Variants in SERPINB1 observed in about 807,000 individuals in gnomAD.
SERPINB1 encodes leukocyte elastase inhibitor.
In SERPINB1, 23 loss-of-function variants were observed where a neutral mutation model predicts 25.9. The ratio of observed to expected loss-of-function variants is 0.89; its 90% CI spans 0.64 to 1.26. SERPINB1 has a LOEUF of 1.26. Among genes scored for constraint, SERPINB1 ranks in the 50% most tolerant of loss-of-function variants. The pLI is 0.00. For synonymous variants in SERPINB1, 178 were observed against 178.7 expected, an observed-to-expected ratio of 1.00 and a Z score of 0.03; for missense variants, 399 against 463.6, an observed-to-expected ratio of 0.86 and a Z score of 1.28.
At chr6:2,835,703 G>A (rs553894730) in intron 6 of SERPINB1, among the ~76,000 whole-genome samples, 153 bp downstream of exon 6, 5 of 152,254 alleles carry the variant, frequency 3.3e-5, no homozygotes, top group Admixed American at 2.0e-4. Context: ...TTAACTCTGG[G>A]CTTTAGTGTA....
Position 2,837,915 on chromosome 6 carries a change from T to G in SERPINB1, c.391A>C (p.Thr131Pro). ...TGTCCTTTGACCCACTGGTTTATGG[T>G]CTTCCTTGCATCTTCAGAGGCATGC... ...FQHASEDARK[T>P]INQWVKGQTE... Residue 131 changes from threonine (T) to proline (P), a missense_variant, in exon 4 of 7, where the codon ACC becomes CCC. Physicochemically the swap from Thr to Pro is conservative, Grantham distance 38. Coordinates refer to ENST00000380739, the MANE Select transcript of SERPINB1 (RefSeq NM_030666.4). This position sits in a 1 kb window ranked among gnomAD's most constrained non-coding sequence, Gnocchi z 4.3. 6.2e-7 allele frequency: 1 copy of G among 1,614,040 alleles called. No individual in the cohort carries two copies. The highest frequency in any genetic ancestry group is 8.5e-7 in the Non-Finnish European group (1 of 1,179,952).
chr6:2,839,349 T>C, intron 2 of SERPINB1: 1 of 984,722 alleles, frequency 1.0e-6, no homozygotes, highest in Non-Finnish European at 1.2e-6. Context: ...ATATGGAATG[T>C]TTGCACTGTG....
At chr6:2,839,805 C>T (rs1359679086) in intron 2 of SERPINB1, among the ~76,000 whole-genome samples, 1 of 148,112 alleles carries the variant, frequency 6.8e-6, no homozygotes, top group Non-Finnish European at 1.5e-5. Context: ...CCTGTCACAT[C>T]GCCAAGGGCT....
At position 2,839,733 on chromosome 6, in the gene SERPINB1, C is replaced by A. The variant is rs76193684; in HGVS notation, c.168+686G>T. On this transcript the variant is annotated intron_variant, in intron 2 of 6. Transcript: ENST00000380739. The stretch of plus-strand genomic sequence containing the variant: ...TTCTCTTCTCAGAATTAAAGAGTAC[C>A]AAGCACAGAAGTCCTCTCCATGTCC... Among the ~76,000 whole-genome samples, 303 of 152,224 alleles carry A rather than the reference C, an allele frequency of 2.0e-3. 1 individual carries two copies. The highest frequency in any genetic ancestry group is 6.9e-3 in the African/African-American group (287 of 41,538).
chr6:2,835,708 A>G (rs1581164223), intron 6 of SERPINB1, 148 bp downstream of exon 6: 1 of 825,730 alleles, frequency 1.2e-6, no homozygotes, highest in Non-Finnish European at 1.8e-6. Flanking sequence ...TCTGGGCTTT[A>G]GTGTAGTAAG....
rs1279749550 is a variant in SERPINB1, at chr6:2,837,399, C to T, written c.424+483G>A. Among the ~76,000 whole-genome samples the T allele has an allele frequency of 6.6e-6, 1 of 152,082 alleles. No homozygotes were observed. Among genetic ancestry groups the T allele is most frequent in the Admixed American group, 6.5e-5 (1 of 15,276 alleles). On this transcript the variant is annotated intron_variant, in intron 4 of 6. Coordinates refer to ENST00000380739, the MANE Select transcript of SERPINB1 (RefSeq NM_030666.4). This position sits in a 1 kb window ranked among gnomAD's most constrained non-coding sequence, Gnocchi z 4.3. ...GTTCGAGAGATTCTCCTGCCTCAGCCTCCAGAGTAGCTGGGATTACAGGTG... is the reference window on the plus strand; with the variant it reads ...GTTCGAGAGATTCTCCTGCCTCAGCTTCCAGAGTAGCTGGGATTACAGGTG...
chr6:2,838,076 G>C, intron 3 of SERPINB1, 77 bp from the exon 4 acceptor site: 3 of 1,008,064 alleles, frequency 3.0e-6, no homozygotes, highest in Non-Finnish European at 4.3e-6. Flanking sequence ...ATCCCAAAAA[G>C]CAACAGAAAT....
rs1766361764 is a variant in SERPINB1, at chr6:2,832,609, C to A, written c.*999G>T. On this transcript the variant is annotated 3_prime_UTR_variant, in exon 7 of 7. Transcript: ENST00000380739. The stretch of plus-strand genomic sequence containing the variant: ...ATCACCTGAGGTCAGGAGTTCGGGA[C>A]CAGCCTGGCCAACATGGAAAAACCC... 6.6e-6 allele frequency: 1 copy of A among 152,098 alleles called. No individual in the cohort carries two copies. Among genetic ancestry groups the A allele is most frequent in the African/African-American group, 2.4e-5 (1 of 41,344 alleles). 9.4% of individuals were successfully genotyped at this position (152,098 alleles called of 1,614,324 possible).
intron 2 of SERPINB1, among the ~76,000 whole-genome samples, chr6:2,839,895 G>A (rs1001436206): frequency 3.3e-5 from 5 of 152,124 alleles, no homozygotes; most frequent in Admixed American, 2.0e-4. Context: ...TGAGCCATGC[G>A]CAGCACCCTG....
rs1766474349 is a variant in SERPINB1 at position 2,835,871 on chromosome 6, G to A, written c.720C>T (p.Ser240=). The A allele has an allele frequency of 1.9e-6, 3 of 1,613,750 alleles. No individual in the cohort carries two copies. Among genetic ancestry groups the A allele is most frequent in the Admixed American group, 3.3e-5 (2 of 59,950 alleles). ...ILLPDDIEDE[S]TGLKKIEEQL... is the part of the protein sequence containing the mutation. Reference sequence around the variant, plus strand: ...GGAGCCATACCTTCTTCAGGCCCGTGGACTCGTCCTCAATGTCATCCGGCA... The same window carrying A: ...GGAGCCATACCTTCTTCAGGCCCGTAGACTCGTCCTCAATGTCATCCGGCA... The change falls in exon 6 of 7, where the codon TCC becomes TCT. Residue 240 remains serine (S), a synonymous_variant. Transcript: ENST00000380739.
At chr6:2,840,324 C>T (rs1766609283) in intron 2 of SERPINB1, 95 bp downstream of exon 2, 1 of 1,428,578 alleles carries the variant, frequency 7.0e-7, no homozygotes, top group African/African-American at 1.4e-5. Context: ...TCTGAAAACA[C>T]AAGGTAAGAG....
Position 2,833,760 on chromosome 6 carries a change from C to T in SERPINB1, c.988G>A (p.Gly330Arg). 6.2e-7 allele frequency: 1 copy of T among 1,614,116 alleles called. No individual in the cohort carries two copies. Among genetic ancestry groups the T allele is most frequent in the East Asian group, 2.2e-5 (1 of 44,888 alleles). The change falls in exon 7 of 7, where the codon GGA (glycine) becomes AGA (arginine). Residue 330 changes from glycine (G) to arginine (R), a missense_variant. Gly to Arg is a moderately radical substitution (Grantham distance 125, BLOSUM62 -2). Transcript: ENST00000380739. ...HKSFVEVNEEGTEAAAATAGI... is the reference protein window; with the variant it reads ...HKSFVEVNEERTEAAAATAGI... ...GCTGTGGCAGCTGCCGCCTCTGTTC[C>T]CTCTTCATTCACTTCCACAAATGAC...
At chr6:2,834,142 C>G (rs1766419612) in intron 6 of SERPINB1, 130 bp from the exon 7 acceptor site, 4 of 807,534 alleles carry the variant, frequency 5.0e-6, no homozygotes, top group East Asian at 2.7e-5. Context: ...TGTGCCAAAA[C>G]AGATTCCATT....
Position 2,836,198 on chromosome 6 carries a change from A to G in SERPINB1, c.477T>C (p.Leu159=). Residue 159 remains leucine, a synonymous_variant, in exon 5 of 7, where the codon CTT becomes CTC. Transcript: ENST00000380739. ...ASGMVDNMTK[L]VLVNAIYFKG... The stretch of plus-strand genomic sequence containing the variant: ...TGAAATAGATGGCATTTACTAGCAC[A>G]AGTTTGGTCATGTTATCAACCATGC... 6.2e-7 allele frequency: 1 copy of G among 1,613,976 alleles called. No individual in the cohort carries two copies. The highest frequency in any genetic ancestry group is 8.5e-7 in the Non-Finnish European group (1 of 1,180,008).
chr6:2,833,448 T>C lies in SERPINB1; in HGVS notation c.*160A>G. The C allele has an allele frequency of 3.2e-6, 2 of 626,518 alleles. No individual in the cohort carries two copies. The highest frequency in any genetic ancestry group is 5.0e-6 in the Non-Finnish European group (2 of 399,150). The allele number at this position is 626,518 out of a possible 1,614,324, so 38.8% of individuals were successfully genotyped here. On this transcript the variant is annotated 3_prime_UTR_variant, in exon 7 of 7. Transcript: ENST00000380739. The stretch of plus-strand genomic sequence containing the variant: ...AAATAGATACCCATGCCAAAATTCA[T>C]GGGTGTAAACAGCCAACAGAGCCAA...
In SERPINB1 at chr6:2,841,477, T is replaced by G. The variant is rs1470504133; in HGVS notation, c.-9+335A>C. 1.3e-5 allele frequency: 2 copies of G among 152,512 alleles called. No individual in the cohort carries two copies. The highest frequency in any genetic ancestry group is 2.4e-5 in the African/African-American group (1 of 41,456). The allele number at this position is 152,512 out of a possible 1,614,324, so 9.4% of individuals were successfully genotyped here. A position where few individuals can be genotyped will look rare whatever the true frequency, so the allele number is the denominator to read the frequency against. On this transcript the variant is annotated intron_variant, in intron 1 of 6. Transcript: ENST00000380739. This position sits in a 1 kb window ranked among gnomAD's most constrained non-coding sequence, Gnocchi z 4.5. ...GCCTGGAAACCGTCACAAACAGCTCTGGGAGGAAGGGAATTCAGGGAGAAG... is the reference window on the plus strand; with the variant it reads ...GCCTGGAAACCGTCACAAACAGCTCGGGGAGGAAGGGAATTCAGGGAGAAG...
chr6:2,840,479 T>A lies in SERPINB1; in HGVS notation c.108A>T (p.Ser36=), dbSNP rs1375781786. The stretch of plus-strand genomic sequence containing the variant: ...CCAGAAAAACCATGGCCATAGCAGA[T>A]GAAATGCTGAAGGGAGAGATGAAGA... The part of the protein sequence containing the change: ...GNIFISPFSI[S]SAMAMVFLGT... Residue 36 remains serine (S), a synonymous_variant, in exon 2 of 7, where the codon TCA becomes TCT. Coordinates refer to ENST00000380739, the MANE Select transcript of SERPINB1 (RefSeq NM_030666.4). 2 of 1,614,114 alleles carry A rather than the reference T, an allele frequency of 1.2e-6. No individual in the cohort carries two copies. Among genetic ancestry groups the A allele is most frequent in the Admixed American group, 1.7e-5 (1 of 60,016 alleles).
At position 2,837,897 on chromosome 6, in the gene SERPINB1, T is replaced by C. The variant is rs1311653217; in HGVS notation, c.409A>G (p.Lys137Glu). The change falls in exon 4 of 7, where the codon AAA (lysine) becomes GAA (glutamate). Residue 137 changes from lysine (K) to glutamate (E), a missense_variant. Transcript: ENST00000380739. The surrounding 1 kb of genome is among the most constrained non-coding windows in gnomAD (Gnocchi z 4.3). ...DARKTINQWV[K>E]GQTEGKIPEL... ...AGGCTCTCACCTTCTGTCTGTCCTTTGACCCACTGGTTTATGGTCTTCCTT... is the reference window on the plus strand; with the variant it reads ...AGGCTCTCACCTTCTGTCTGTCCTTCGACCCACTGGTTTATGGTCTTCCTT... 1 of 1,613,512 alleles carries C rather than the reference T, an allele frequency of 6.2e-7. No homozygotes were observed. The highest frequency in any genetic ancestry group is 2.2e-5 in the East Asian group (1 of 44,870).
intron 6 of SERPINB1, among the ~76,000 whole-genome samples, 175 bp downstream of exon 6, chr6:2,835,680 AT>A (rs1766467948): frequency 6.6e-6 from 1 of 152,162 alleles, no homozygotes; most frequent in Non-Finnish European, 1.5e-5. Flanking sequence ...CTATAAGTAA[AT>A]TTAAAAAAAA....
Sources: gnomAD v4.1 joint callset for allele counts (sites outside exome capture counted in the v4.1 genomes callset) on GRCh38, gnomAD v4.1.1 for gene constraint, Gnocchi (gnomAD v3.1) non-coding constraint, MANE v1.5 for transcripts, NCBI Gene and HGNC (gene_info 2026-07-23, HGNC 2026-07-21) for gene names.